The following SLC1A7 variants were observed in gnomAD, a reference collection of about 807,000 sequenced individuals.
SLC1A7 encodes the protein excitatory amino acid transporter 5.
Under a neutral mutation model 47.7 loss-of-function variants are expected in SLC1A7, and 40 were observed. That is an observed-to-expected ratio of 0.84 (90% CI 0.65 to 1.09). The LOEUF (loss-of-function observed/expected upper bound fraction) is 1.09. Ranked by LOEUF, SLC1A7 falls within the 50% of genes least tolerant of loss-of-function variation. The pLI is 0.00. For synonymous variants in SLC1A7, 323 were observed against 325.6 expected (o/e 0.99, Z 0.09); for missense variants, 746 against 769.5 (o/e 0.97, Z 0.36).
chr1:53,133,579 G>C (rs1418639177), intron 2 of SLC1A7, among the ~76,000 whole-genome samples: 3 of 152,094 alleles, frequency 2.0e-5, no homozygotes, highest in African/African-American at 7.2e-5. Flanking sequence ...AGAGCAAAAG[G>C]CTCTTAGACA....
rs981949109 is a variant in SLC1A7, at chr1:53,088,923, A to C, written c.1418T>G (p.Met473Arg). The change falls in exon 10 of 11, where the codon ATG becomes AGG. Residue 473 changes from methionine (M) to arginine (R), a missense_variant. Met to Arg is a moderately conservative substitution (Grantham distance 91, BLOSUM62 -1). Transcript: ENST00000371494. The part of the protein sequence containing the change: ...VLGDALAAGI[M>R]AHICRKDFAR... ...AAAATCCTTCCGACATATATGGGCC[A>C]TGATCCCCGCTGCCAGCGCATCACC... is the stretch of plus-strand genomic sequence containing the variant. 5.0e-6 allele frequency: 8 copies of C among 1,614,024 alleles called. No individual in the cohort carries two copies. In the African/African-American group the frequency reaches 1.1e-4, roughly 22 times the overall value.
At chr1:53,097,769 AGCAC>A (rs1644515162) in intron 5 of SLC1A7, among the ~76,000 whole-genome samples, 2 of 123,914 alleles carry the variant, frequency 1.6e-5, no homozygotes, top group African/African-American at 6.9e-5. Context: ...ACTCACACAC[AGCAC>A]CTCAGTACAC....
chr1:53,089,769 A>G, intron 9 of SLC1A7, 31 bp downstream of exon 9: 3 of 1,611,458 alleles, frequency 1.9e-6, no homozygotes, highest in Non-Finnish European at 2.5e-6. Flanking sequence ...CCCCTCCCAG[A>G]GGGCTAGAGC....
At chr1:53,096,094 A>AC (rs1342889201) in intron 5 of SLC1A7, among the ~76,000 whole-genome samples, 8 of 89,080 alleles carry the variant, frequency 9.0e-5, no homozygotes, top group South Asian at 8.0e-4. Context: ...GTATGCTCAC[A>AC]CCCCCCCACC....
intron 5 of SLC1A7, among the ~76,000 whole-genome samples, chr1:53,094,141 A>G (rs1644457475): frequency 6.6e-6 from 1 of 152,176 alleles, no homozygotes; most frequent in Non-Finnish European, 1.5e-5. Flanking sequence ...ATTACAACAT[A>G]ACTGTCTGGG....
chr1:53,123,799 G>A (rs1644851106), intron 2 of SLC1A7, among the ~76,000 whole-genome samples: 1 of 152,244 alleles, frequency 6.6e-6, no homozygotes, highest in Non-Finnish European at 1.5e-5. Flanking sequence ...CCCACAGCGG[G>A]CCACGTTTCC....
In SLC1A7 at chr1:53,087,990, C is replaced by G. The variant is rs763634491; in HGVS notation, c.*19G>C. The G allele has an allele frequency of 1.7e-5, 24 of 1,432,170 alleles. No homozygotes were observed. The highest frequency in any genetic ancestry group is 2.0e-5 in the Non-Finnish European group (22 of 1,073,516). The allele number at this position is 1,432,170 out of a possible 1,614,324, so 88.7% of individuals were successfully genotyped here. A position where few individuals can be genotyped will look rare whatever the true frequency, so the allele number is the denominator to read the frequency against. On this transcript the variant is annotated 3_prime_UTR_variant, in exon 11 of 11. Coordinates refer to ENST00000371494, the MANE Select transcript of SLC1A7 (RefSeq NM_006671.6). ...ACCCTGCCCCTGGAGGCCTCGCCTGCCCCTGCAGCTCCGCAGGCTCAGACA... is the reference window on the plus strand; with the variant it reads ...ACCCTGCCCCTGGAGGCCTCGCCTGGCCCTGCAGCTCCGCAGGCTCAGACA...
chr1:53,099,819 G>GGTACACTCACACACCCTGCCTCA, intron 5 of SLC1A7, among the ~76,000 whole-genome samples: 1 of 147,194 alleles, frequency 6.8e-6, no homozygotes, highest in African/African-American at 2.5e-5. Flanking sequence ...ACCCCACCTT[G>GGTACACTCACACACCCTGCCTCA]GTACACTCAC....
intron 2 of SLC1A7, among the ~76,000 whole-genome samples, chr1:53,134,100 G>A (rs751094975): frequency 6.6e-5 from 10 of 152,066 alleles, no homozygotes; most frequent in Non-Finnish European, 1.2e-4. Context: ...TCTTGGAGTC[G>A]GGTCATATCC....
chr1:53,091,301 A>G (rs890663429), intron 7 of SLC1A7, among the ~76,000 whole-genome samples: 1 of 152,120 alleles, frequency 6.6e-6, no homozygotes, highest in South Asian at 2.1e-4. Flanking sequence ...TATTATTACT[A>G]TGTTTGTCAT....
In SLC1A7 at chr1:53,128,573, T is replaced by C. The variant is rs1473990368; in HGVS notation, c.215+5777A>G. Among the ~76,000 whole-genome samples the C allele has an allele frequency of 2.8e-5, 4 of 143,030 alleles. 2 individuals are homozygous for C. Among genetic ancestry groups the C allele is most frequent in the African/African-American group, 5.2e-5 (2 of 38,790 alleles). 93.8% of individuals were successfully genotyped at this position (143,030 alleles called of 152,430 possible). On this transcript the variant is annotated intron_variant, in intron 2 of 10. Coordinates refer to ENST00000371494, the MANE Select transcript of SLC1A7 (RefSeq NM_006671.6). ...CTCTGGGTGCCAGGTGAGTGCATCATGGAGAAGTGGGCAGGACCTGGCCAG... is the reference window on the plus strand; with the variant it reads ...CTCTGGGTGCCAGGTGAGTGCATCACGGAGAAGTGGGCAGGACCTGGCCAG...
At chr1:53,092,251 G>T (rs1458336825) in intron 7 of SLC1A7, among the ~76,000 whole-genome samples, 2 of 152,256 alleles carry the variant, frequency 1.3e-5, no homozygotes, top group African/African-American at 4.8e-5. Flanking sequence ...GGCAGCAGCA[G>T]TGCGTTGCCA....
At position 53,103,700 on chromosome 1, in the gene SLC1A7, G is replaced by A. The variant is rs1644609821; in HGVS notation, c.475-132C>T. The A allele has an allele frequency of 1.6e-5, 9 of 572,452 alleles. No homozygotes were observed. In the East Asian group the frequency reaches 2.8e-4, roughly 18 times the overall value. 35.5% of individuals were successfully genotyped at this position (572,452 alleles called of 1,614,324 possible). A position where few individuals can be genotyped will look rare whatever the true frequency, so the allele number is the denominator to read the frequency against. ...CCTATTTGATTGACAGTAACCCTGT[G>A]AGGCAGGCAGAGCAGGGATTGCTAT... On this transcript the variant is annotated intron_variant, in intron 4 of 10. Transcript: ENST00000371494.
intron 5 of SLC1A7, among the ~76,000 whole-genome samples, chr1:53,099,362 C>T (rs1572307957): frequency 9.9e-6 from 1 of 101,084 alleles, no homozygotes; most frequent in Non-Finnish European, 2.1e-5. Context: ...CACATACCGC[C>T]TCGGTACACA....
chr1:53,103,318 C>A, intron 5 of SLC1A7, 28 bp downstream of exon 5: 1 of 1,529,754 alleles, frequency 6.5e-7, no homozygotes, highest in Admixed American at 1.9e-5. Flanking sequence ...GGCTCCACGG[C>A]ACTGCTGGGC....
rs1644407715 is a variant in SLC1A7, at chr1:53,090,486, C to T, written c.1226+126G>A. ...CCAGGCTCGGAGCTCCCAGCCCTGG[C>T]CCTCTGCCTGCTGTGCTCCGAGCCC... On this transcript the variant is annotated intron_variant, in intron 8 of 10. Coordinates refer to ENST00000371494, the MANE Select transcript of SLC1A7 (RefSeq NM_006671.6). 3.6e-6 allele frequency: 5 copies of T among 1,387,900 alleles called. No homozygotes were observed. In the South Asian group the frequency reaches 7.7e-5, roughly 21 times the overall value. 86.0% of individuals were successfully genotyped at this position (1,387,900 alleles called of 1,614,324 possible). A position where few individuals can be genotyped will look rare whatever the true frequency, so the allele number is the denominator to read the frequency against.
At chr1:53,107,153 TAAAAAAAAAAA>T (rs11417607) in intron 3 of SLC1A7, among the ~76,000 whole-genome samples, 13 of 24,342 alleles carry the variant, frequency 5.3e-4, no homozygotes, top group African/African-American at 1.1e-3. Context: ...AGACTCTGAC[TAAAAAAAAAAA>T]AAAAAAAAAA....
At position 53,093,565 on chromosome 1, in the gene SLC1A7, G is replaced by A. The variant is rs373920869; in HGVS notation, c.698-5C>T. 3.8e-5 allele frequency: 61 copies of A among 1,593,700 alleles called. No homozygotes were observed. The highest frequency in any genetic ancestry group is 1.4e-4 in the Admixed American group (8 of 58,224). ...CCATGCGGCCCAGCATGATGCCTGC[G>A]GGTCAGGGACACAGTGCTGTGGTAA... On this transcript the variant is annotated splice_polypyrimidine_tract_variant and splice_region_variant and intron_variant, in intron 5 of 10. Coordinates refer to ENST00000371494, the MANE Select transcript of SLC1A7 (RefSeq NM_006671.6).
intron 2 of SLC1A7, among the ~76,000 whole-genome samples, chr1:53,126,097 A>G (rs886127671): frequency 1.3e-5 from 2 of 152,198 alleles, no homozygotes; most frequent in Non-Finnish European, 2.9e-5. Flanking sequence ...CCAGCCTTGG[A>G]GTGGGTTGCT....
Sources: gnomAD v4.1 joint callset for allele counts (sites outside exome capture counted in the v4.1 genomes callset) on GRCh38, gnomAD v4.1.1 for gene constraint, MANE v1.5 for transcripts, NCBI Gene and HGNC (gene_info 2026-07-23, HGNC 2026-07-21) for gene names.